Variants in ADGRG4 observed in about 807,000 individuals in gnomAD.
ADGRG4 encodes the protein adhesion G protein-coupled receptor G4.
In ADGRG4, 122 loss-of-function variants were observed where a neutral mutation model predicts 126.2. That is an observed-to-expected ratio of 0.97 (90% confidence interval 0.83 to 1.12). The LOEUF is 1.12. Ranked by LOEUF, ADGRG4 falls within the 50% of genes most tolerant of loss-of-function variation. ADGRG4 has a pLI of 0.00. For synonymous variants in ADGRG4, 943 were observed against 838.7 expected (o/e 1.12, Z -2.15); for missense variants, 2,481 against 2,251.8 (o/e 1.10, Z -2.06).
At position 136,361,446 on chromosome X, in the gene ADGRG4, T is replaced by C; in HGVS notation, c.7145-9T>C. On this transcript the variant is annotated splice_polypyrimidine_tract_variant and intron_variant, in intron 11 of 25. Coordinates refer to ENST00000394143, the MANE Select transcript of ADGRG4 (RefSeq NM_153834.4). ...TGTCCTTTAAAATGTGCATACATTT[T>C]CTCTGTAGAGCCTGGAAATTGCAAA... 2 of 1,138,162 alleles carry C rather than the reference T, an allele frequency of 1.8e-6. No homozygotes were observed. The highest frequency in any genetic ancestry group is 2.3e-6 in the Non-Finnish European group (2 of 853,471). The allele number at this position is 1,138,162 out of a possible 1,213,427, so 93.8% of individuals were successfully genotyped here. A position where few individuals can be genotyped will look rare whatever the true frequency, so the allele number is the denominator to read the frequency against.
At chrX:136,362,586 G>A (rs934017273) in intron 12 of ADGRG4, among the ~76,000 whole-genome samples, 1 of 111,340 alleles carries the variant, frequency 9.0e-6, no homozygotes, top group African/African-American at 3.3e-5. Flanking sequence ...CTCTCCTGCT[G>A]TCTCACTCAG....
chrX:136,391,286 C>T (rs1441984349), intron 16 of ADGRG4, among the ~76,000 whole-genome samples: 3 of 111,319 alleles, frequency 2.7e-5, no homozygotes, highest in Non-Finnish European at 5.7e-5. Flanking sequence ...CTTCCTCTCC[C>T]TCTTGTCTGG....
chrX:136,380,715 C>T (rs1332650274), intron 15 of ADGRG4, among the ~76,000 whole-genome samples: 1 of 99,701 alleles, frequency 1.0e-5, no homozygotes, highest in Admixed American at 1.2e-4. Flanking sequence ...CCTTCTTCTT[C>T]TTTTTCTTCT....
intron 22 of ADGRG4, among the ~76,000 whole-genome samples, chrX:136,403,582 G>A (rs1459018721): frequency 1.8e-5 from 2 of 112,010 alleles, no homozygotes; most frequent in Admixed American, 1.9e-4. Flanking sequence ...TTAATGTCCT[G>A]TGCAAATTAA....
intron 5 of ADGRG4, among the ~76,000 whole-genome samples, chrX:136,333,738 G>A (rs946036290): frequency 5.4e-5 from 6 of 110,564 alleles, no homozygotes; most frequent in Admixed American, 3.9e-4. Context: ...GGCTGGTCTC[G>A]AACTCTTGAC....
intron 15 of ADGRG4, among the ~76,000 whole-genome samples, chrX:136,377,167 C>CTTTTTTTTTTTTTTTTTTTTTTTTTTTTT (rs1184343263): frequency 8.2e-5 from 4 of 48,654 alleles, no homozygotes; most frequent in African/African-American, 4.1e-4. Context: ...GTTTTCTTTC[C>CTTTTTTTTTTTTTTTTTTTTTTTTTTTTT]TTTTTTTTTT....
chrX:136,372,319 T>C (rs772553077), intron 14 of ADGRG4, among the ~76,000 whole-genome samples: 3 of 111,805 alleles, frequency 2.7e-5, no homozygotes, highest in Non-Finnish European at 5.6e-5. Context: ...GGAATTCTTT[T>C]ACTTCTCTCC....
intron 15 of ADGRG4, among the ~76,000 whole-genome samples, chrX:136,374,494 A>G (rs1470979272): frequency 9.0e-6 from 1 of 111,073 alleles, no homozygotes; most frequent in Non-Finnish European, 1.9e-5. Context: ...CAGTGGCACT[A>G]TATCTCCCCA....
In ADGRG4 at chrX:136,344,376, T is replaced by C; in HGVS notation, c.686-16T>C. 1 of 1,093,503 alleles carries C rather than the reference T, an allele frequency of 9.1e-7. No individual in the cohort carries two copies. The highest frequency in any genetic ancestry group is 2.7e-4 in the Middle Eastern group (1 of 3,664). The allele number at this position is 1,093,503 out of a possible 1,213,427, so 90.1% of individuals were successfully genotyped here. ...AAGCTGAATCCAAAATAACACATTC[T>C]TTCTGATTTTTTTAGTTGTTCCTGA... On this transcript the variant is annotated splice_polypyrimidine_tract_variant and intron_variant, in intron 5 of 25. Coordinates refer to ENST00000394143, the MANE Select transcript of ADGRG4 (RefSeq NM_153834.4).
At chrX:136,414,060 C>G in intron 24 of ADGRG4, 100 bp from the exon 25 acceptor site, 3 of 732,197 alleles carry the variant, frequency 4.1e-6, no homozygotes, top group Non-Finnish European at 5.9e-6. Flanking sequence ...TATTTTTAAA[C>G]CAGGTTATTG....
chrX:136,381,320 C>T (rs2075262850), intron 15 of ADGRG4, among the ~76,000 whole-genome samples: 1 of 110,770 alleles, frequency 9.0e-6, no homozygotes, highest in Non-Finnish European at 1.9e-5. Context: ...GGCACAATCA[C>T]GACTCACTGT....
intron 25 of ADGRG4, 62 bp downstream of exon 25, chrX:136,414,389 C>G: frequency 1.1e-6 from 1 of 935,675 alleles, no homozygotes; most frequent in Non-Finnish European, 1.5e-6. Context: ...TAATGTGAGA[C>G]CACATACTGG....
In ADGRG4 at chrX:136,348,889, C is replaced by T; in HGVS notation, c.5183C>T (p.Thr1728Ile). The change falls in exon 6 of 26, where the codon ACT becomes ATT. Residue 1728 changes from threonine (T) to isoleucine (I), a missense_variant. By Grantham distance (89) the Thr-to-Ile change is moderately conservative. Transcript: ENST00000394143. ...GGGATTACTAACAGGTCCCTATCTACTGTGAACAGTGGTACAGGGGTAGCT... is the reference window on the plus strand; with the variant it reads ...GGGATTACTAACAGGTCCCTATCTATTGTGAACAGTGGTACAGGGGTAGCT... ...LSGITNRSLS[T>I]VNSGTGVALT... The T allele has an allele frequency of 1.7e-6, 2 of 1,206,156 alleles. No individual in the cohort carries two copies. Among genetic ancestry groups the T allele is most frequent in the Non-Finnish European group, 2.2e-6 (2 of 891,265 alleles).
intron 5 of ADGRG4, among the ~76,000 whole-genome samples, chrX:136,340,055 G>A (rs2074970661): frequency 8.9e-6 from 1 of 111,744 alleles, no homozygotes; most frequent in Non-Finnish European, 1.9e-5. Context: ...GAGAAAGATT[G>A]ATGAAGCAGA....
chrX:136,320,147 T>C (rs751841006), intron 4 of ADGRG4, among the ~76,000 whole-genome samples: 21 of 111,981 alleles, frequency 1.9e-4, no homozygotes, highest in African/African-American at 6.5e-4. Flanking sequence ...CCTATTCCAT[T>C]GTATAGAGGT....
rs1045333274 is a variant in ADGRG4 at position 136,408,972 on chromosome X, T to A, written c.8935+3000T>A. 3.6e-5 allele frequency among the ~76,000 whole-genome samples: 4 copies of A among 109,888 alleles called. No homozygotes were observed. In the Middle Eastern group the frequency reaches 0.014, roughly 382 times the overall value. Reference sequence around the variant, plus strand: ...ATCAAGCACAAAGTCTTGCCAGTCCTGCCTAAAATGACTGCAAGATAGCAT... The same window carrying A: ...ATCAAGCACAAAGTCTTGCCAGTCCAGCCTAAAATGACTGCAAGATAGCAT... On this transcript the variant is annotated intron_variant, in intron 23 of 25. Coordinates refer to ENST00000394143, the MANE Select transcript of ADGRG4 (RefSeq NM_153834.4).
chrX:136,368,340 C>T (rs2075172254), intron 13 of ADGRG4, among the ~76,000 whole-genome samples: 1 of 112,157 alleles, frequency 8.9e-6, no homozygotes, highest in Non-Finnish European at 1.9e-5. Context: ...AAATGCCCAC[C>T]GACTCATTCC....
In ADGRG4 at chrX:136,348,344, T is replaced by C. The variant is rs1243363508; in HGVS notation, c.4638T>C (p.Gly1546=). 4 of 1,208,261 alleles carry C rather than the reference T, an allele frequency of 3.3e-6. No individual in the cohort carries two copies. In the African/African-American group the frequency reaches 7.0e-5, roughly 21 times the overall value. Residue 1546 remains glycine, a synonymous_variant, in exon 6 of 26, where the codon GGT becomes GGC. Coordinates refer to ENST00000394143, the MANE Select transcript of ADGRG4 (RefSeq NM_153834.4). ...ITKSSKTMHP[G]CLKSPCTATS... ...AATCTTCTAAAACAATGCATCCAGG[T>C]TGTTTGAAAAGTCCCTGTACAGCCA... is the stretch of plus-strand genomic sequence containing the variant.
At chrX:136,317,477 G>T (rs1261797182) in intron 4 of ADGRG4, among the ~76,000 whole-genome samples, 1 of 94,134 alleles carries the variant, frequency 1.1e-5, no homozygotes, top group African/African-American at 4.0e-5. Flanking sequence ...TCCAGCCTGG[G>T]TGACAGAGCA....
Sources: allele counts gnomAD v4.1 joint callset (sites outside exome capture counted in the v4.1 genomes callset), GRCh38; gene constraint gnomAD v4.1.1; transcripts MANE v1.5; gene names NCBI Gene and HGNC (gene_info 2026-07-23, HGNC 2026-07-21).